The following ABCA12 variants were observed in gnomAD, a reference collection of about 807,000 sequenced individuals.
ABCA12 encodes ATP binding cassette subfamily A member 12.
ABCA12 carries 156 observed loss-of-function variants against 293.5 expected under a neutral mutation model. The ratio of observed to expected loss-of-function variants is 0.53; its 90% CI spans 0.47 to 0.61. The LOEUF is 0.61. Ranked by LOEUF, ABCA12 falls within the 20% of genes least tolerant of loss-of-function variation. ABCA12 has a pLI of 0.00. For missense variants in ABCA12, 2,797 were observed against 3,090.2 expected (o/e 0.91, Z 2.25); for synonymous variants, 1,063 against 1,108.0 (o/e 0.96, Z 0.81).
At chr2:215,040,413 A>G (rs1375773821) in intron 7 of ABCA12, among the ~76,000 whole-genome samples, 3 of 152,238 alleles carry the variant, frequency 2.0e-5, no homozygotes, top group African/African-American at 7.2e-5. Context: ...AAATCTTAAT[A>G]TCATTGCACA....
At chr2:214,998,972 A>G (rs1230558290) in intron 22 of ABCA12, among the ~76,000 whole-genome samples, 2 of 152,166 alleles carry the variant, frequency 1.3e-5, no homozygotes, top group Non-Finnish European at 2.9e-5. Context: ...AATTACCTCC[A>G]AGTACCCCAA....
intron 3 of ABCA12, among the ~76,000 whole-genome samples, chr2:215,056,398 A>G (rs374133891): frequency 9.9e-5 from 15 of 152,222 alleles, no homozygotes; most frequent in East Asian, 7.7e-4. Context: ...AGCTTGCTCA[A>G]CAGTAAAATG....
intron 30 of ABCA12, 47 bp from the exon 31 acceptor site, chr2:214,980,690 A>G: frequency 6.2e-7 from 1 of 1,610,378 alleles, no homozygotes; most frequent in Non-Finnish European, 8.5e-7. Context: ...GTGAAAGTAC[A>G]GTTCCCAAGA....
chr2:214,950,596 C>T (rs1201578500), intron 45 of ABCA12, among the ~76,000 whole-genome samples: 1 of 151,244 alleles, frequency 6.6e-6, no homozygotes, highest in African/African-American at 2.4e-5. Flanking sequence ...CCTCCACGAC[C>T]CAGGTTCAAA....
chr2:215,136,323 T>A (rs183889737), intron 1 of ABCA12, among the ~76,000 whole-genome samples: 98 of 152,292 alleles, frequency 6.4e-4, no homozygotes, highest in Non-Finnish European at 1.1e-3. Context: ...AAACACTGAC[T>A]AAAATGAAGA....
In ABCA12 at chr2:215,011,546, A is replaced by C. The variant is rs757295232; in HGVS notation, c.2225T>G (p.Met742Arg). 2 of 1,614,104 alleles carry C rather than the reference A, an allele frequency of 1.2e-6. No individual in the cohort carries two copies. The highest frequency in any genetic ancestry group is 4.5e-5 in the East Asian group (2 of 44,872). The change falls in exon 17 of 53, where the codon ATG becomes AGG. Residue 742 changes from methionine to arginine, a missense_variant. By Grantham distance (91) the Met-to-Arg change is moderately conservative (BLOSUM62 -1). This residue lies in a region of ABCA12 where 2,130 missense variants were observed against 2,427.0 expected (regional missense o/e 0.88). Transcript: ENST00000272895. Reference protein sequence around the residue: ...QGITTEYLTAMLPSSQRPKGN... With the variant: ...QGITTEYLTARLPSSQRPKGN... ...TTTTGGCCTCTGGGAAGAGGGCAGC[A>C]TGGCAGTTAAATATTCAGTGGTAAT...
Position 214,932,735 on chromosome 2 carries a change from T to C in ABCA12, c.7687A>G (p.Ile2563Val). 6.2e-7 allele frequency: 1 copy of C among 1,612,806 alleles called. No homozygotes were observed. The highest frequency in any genetic ancestry group is 8.5e-7 in the Non-Finnish European group (1 of 1,179,018). The change falls in exon 53 of 53, where the codon ATC becomes GTC. Residue 2563 changes from isoleucine (I) to valine (V), a missense_variant. Transcript: ENST00000272895. The stretch of plus-strand genomic sequence containing the variant: ...GACTTCTGGTCTTTGGCAAAGTTGA[T>C]GAAAACCTGATTTTTCAGGGAAAAT... ...VSQTTLEEVF[I>V]NFAKDQKSYE...
intron 13 of ABCA12, 24 bp downstream of exon 13, chr2:215,019,312 T>C: frequency 6.3e-7 from 1 of 1,583,294 alleles, no homozygotes; most frequent in Non-Finnish European, 8.7e-7. Context: ...TAAGACAAGA[T>C]TTAAAATGTG....
intron 2 of ABCA12, among the ~76,000 whole-genome samples, chr2:215,111,079 C>A (rs1204436069): frequency 6.6e-6 from 1 of 152,186 alleles, no homozygotes; most frequent in Non-Finnish European, 1.5e-5. Context: ...TACAACTTGA[C>A]AATTACTAAA....
intron 18 of ABCA12, among the ~76,000 whole-genome samples, chr2:215,009,298 G>A (rs980861847): frequency 1.3e-5 from 2 of 151,996 alleles, no homozygotes; most frequent in Non-Finnish European, 2.9e-5. Flanking sequence ...CATAGAGAGG[G>A]GAACAGAAGG....
intron 33 of ABCA12, among the ~76,000 whole-genome samples, chr2:214,976,464 C>T (rs1374786375): frequency 6.6e-6 from 1 of 152,104 alleles, no homozygotes; most frequent in Non-Finnish European, 1.5e-5. Flanking sequence ...CAAATACAAA[C>T]TCAAACACCA....
intron 28 of ABCA12, among the ~76,000 whole-genome samples, chr2:214,986,036 A>G (rs1699777778): frequency 6.6e-6 from 1 of 152,200 alleles, no homozygotes; most frequent in African/African-American, 2.4e-5. Context: ...AGTCAAGGCA[A>G]AGGTTTCCCA....
intron 2 of ABCA12, among the ~76,000 whole-genome samples, chr2:215,101,035 C>T (rs919691508): frequency 2.0e-5 from 3 of 152,118 alleles, no homozygotes; most frequent in Admixed American, 6.5e-5. Flanking sequence ...CTCCTCTTCG[C>T]ACCTGTCCTA....
intron 8 of ABCA12, among the ~76,000 whole-genome samples, chr2:215,034,364 G>A (rs532706259): frequency 2.9e-4 from 44 of 152,200 alleles, no homozygotes; most frequent in Non-Finnish European, 5.7e-4. Flanking sequence ...ATACGTCAGG[G>A]TGGATCAGAG....
At chr2:215,133,857 G>C (rs1405340796) in intron 1 of ABCA12, among the ~76,000 whole-genome samples, 2 of 152,066 alleles carry the variant, frequency 1.3e-5, no homozygotes, top group Non-Finnish European at 2.9e-5. Flanking sequence ...GAGAATGTTA[G>C]AGAAAAAACT....
At chr2:214,948,501 G>T (rs1698650030) in intron 47 of ABCA12, 95 bp downstream of exon 47, 2 of 1,358,654 alleles carry the variant, frequency 1.5e-6, no homozygotes, top group South Asian at 1.3e-5. Flanking sequence ...AGGGGAAATG[G>T]TGGGGCAGGG....
intron 8 of ABCA12, among the ~76,000 whole-genome samples, chr2:215,035,018 T>C (rs143593842): frequency 2.0e-4 from 30 of 152,272 alleles, no homozygotes; most frequent in African/African-American, 7.2e-4. Context: ...AGACTAAGAA[T>C]GAGGTGGCCT....
At position 215,060,892 on chromosome 2, in the gene ABCA12, T is replaced by C. The variant is rs557233040; in HGVS notation, c.317+3174A>G. Among the ~76,000 whole-genome samples the C allele has an allele frequency of 1.1e-3, 168 of 152,216 alleles. 1 individual carries two copies. Among genetic ancestry groups the C allele is most frequent in the African/African-American group, 3.9e-3 (161 of 41,566 alleles). ...TATAATAGGAGCAGAGGTACGAATT[T>C]AGAAGCCGCAGGTCATGAATGAGTG... On this transcript the variant is annotated intron_variant, in intron 3 of 52. Transcript: ENST00000272895.
chr2:215,032,190 C>T, intron 8 of ABCA12: 1 of 1,002,152 alleles, frequency 1.0e-6, no homozygotes. Flanking sequence ...CCAGGACCTG[C>T]ATATGCAGAT....
Sources: gnomAD v4.1 joint callset for allele counts (sites outside exome capture counted in the v4.1 genomes callset) on GRCh38, gnomAD v4.1.1 for gene constraint, gnomAD v4.1.1 regional missense constraint, MANE v1.5 for transcripts, NCBI Gene and HGNC (gene_info 2026-07-23, HGNC 2026-07-21) for gene names.